Variants in SLC29A3 observed in about 807,000 individuals in gnomAD.
SLC29A3 encodes solute carrier family 29 member 3, also known as equilibrative nucleoside transporter 3.
Under a neutral mutation model 25.4 loss-of-function variants are expected in SLC29A3, and 18 were observed. The observed-to-expected ratio is 0.71, with a 90% CI of 0.49 to 1.05. The LOEUF is 1.05. Ranked by LOEUF, SLC29A3 falls within the 50% of genes least tolerant of loss-of-function variation. The probability of loss-of-function intolerance (pLI) is 0.00; values close to 1 mark genes in which losing one functional copy is unlikely to be tolerated. For missense variants in SLC29A3, 586 were observed against 609.0 expected, an observed-to-expected ratio of 0.96 and a Z score of 0.40; for synonymous variants, 258 against 267.1, an observed-to-expected ratio of 0.97 and a Z score of 0.33.
At chr10:71,328,149 G>A (rs1846016013) in intron 2 of SLC29A3, among the ~76,000 whole-genome samples, 1 of 152,198 alleles carries the variant, frequency 6.6e-6, no homozygotes, top group African/African-American at 2.4e-5. Flanking sequence ...ACTGCAGGAT[G>A]CGGCCAGGTC....
chr10:71,369,097 C>T (rs77497424), intron 3 of SLC29A3, among the ~76,000 whole-genome samples: 3,739 of 152,272 alleles, frequency 0.025, 81 homozygotes, highest in African/African-American at 0.05. Flanking sequence ...AACAGAGCTC[C>T]CTCACCCCTG....
chr10:71,359,844 A>C (rs530475371), intron 5 of SLC29A3, among the ~76,000 whole-genome samples: 1 of 152,344 alleles, frequency 6.6e-6, no homozygotes, highest in South Asian at 2.1e-4. Flanking sequence ...TTTGAGCTGC[A>C]TTAATACAGT....
At chr10:71,341,186 A>G (rs75395956) in intron 2 of SLC29A3, among the ~76,000 whole-genome samples, 13,349 of 152,088 alleles carry the variant, frequency 0.088, 792 homozygotes, top group East Asian at 0.25. Flanking sequence ...GGTGCAGCCT[A>G]GCAGGGCGTG....
At chr10:71,328,318 C>T (rs766954753) in intron 2 of SLC29A3, among the ~76,000 whole-genome samples, 4 of 152,194 alleles carry the variant, frequency 2.6e-5, no homozygotes, top group South Asian at 2.1e-4. Flanking sequence ...TCCCTGGGCA[C>T]GTCCCCTGAA....
At chr10:71,330,639 C>T (rs148148462) in intron 2 of SLC29A3, among the ~76,000 whole-genome samples, 45 of 152,312 alleles carry the variant, frequency 3.0e-4, no homozygotes, top group Non-Finnish European at 4.7e-4. Context: ...ATTTACATAA[C>T]GCTGCAGACA....
chr10:71,366,692 G>T (rs1300454455), downstream of SLC29A3, among the ~76,000 whole-genome samples: 1 of 152,218 alleles, frequency 6.6e-6, no homozygotes, highest in Non-Finnish European at 1.5e-5. Context: ...TCAGCTCGGA[G>T]GTGATGTGGG....
At chr10:71,349,201 C>T (rs932953731) in intron 3 of SLC29A3, among the ~76,000 whole-genome samples, 17 of 152,122 alleles carry the variant, frequency 1.1e-4, no homozygotes, top group Middle Eastern at 3.2e-3. Flanking sequence ...TACCTCTTTG[C>T]GTTAGTGGGT....
chr10:71,375,500 A>G (rs1817162745), intron 3 of SLC29A3, among the ~76,000 whole-genome samples: 1 of 152,234 alleles, frequency 6.6e-6, no homozygotes, highest in Non-Finnish European at 1.5e-5. Context: ...ATTGAAAACA[A>G]TATTTTAATT....
At chr10:71,323,340 A>G (rs945386545) in intron 2 of SLC29A3, among the ~76,000 whole-genome samples, 1 of 152,222 alleles carries the variant, frequency 6.6e-6, no homozygotes, top group Admixed American at 6.5e-5. Context: ...ATGGAAGGTC[A>G]TTTTTCTCCC....
chr10:71,349,361 C>T (rs546661520), intron 3 of SLC29A3, among the ~76,000 whole-genome samples: 5 of 152,272 alleles, frequency 3.3e-5, no homozygotes, highest in South Asian at 4.1e-4. Flanking sequence ...TGTCTAGCCT[C>T]GCCCTACGCA....
chr10:71,337,476 G>A (rs990205020), intron 2 of SLC29A3, among the ~76,000 whole-genome samples: 2 of 152,208 alleles, frequency 1.3e-5, no homozygotes, highest in Non-Finnish European at 2.9e-5. Flanking sequence ...TCCAGGTAAC[G>A]CTCTGCTGCC....
chr10:71,354,173 C>T (rs933544832), intron 4 of SLC29A3, among the ~76,000 whole-genome samples: 3 of 152,216 alleles, frequency 2.0e-5, no homozygotes, highest in Non-Finnish European at 4.4e-5. Context: ...TGGCACTTCT[C>T]CGCACCAGGC....
At chr10:71,322,161 C>T (rs565965403) in intron 1 of SLC29A3, among the ~76,000 whole-genome samples, 16 of 152,188 alleles carry the variant, frequency 1.1e-4, no homozygotes, top group African/African-American at 3.6e-4. Flanking sequence ...AGTTTCCCTC[C>T]TTAGAGACAG....
At chr10:71,354,405 C>G (rs1420126021) in intron 4 of SLC29A3, among the ~76,000 whole-genome samples, 1 of 152,156 alleles carries the variant, frequency 6.6e-6, no homozygotes, top group Admixed American at 6.5e-5. Flanking sequence ...AATTTTTATA[C>G]CTTTGCCCTC....
chr10:71,341,608 T>C (rs958277548), intron 2 of SLC29A3, among the ~76,000 whole-genome samples: 2 of 152,204 alleles, frequency 1.3e-5, no homozygotes, highest in African/African-American at 4.8e-5. Context: ...GGAACCCAGC[T>C]ATCGGAAACC....
rs867492510 is a variant in SLC29A3, at chr10:71,353,876, G to A, written c.610+2088G>A. ...GGAGAGTCATGAAGGATGAGCTCCC[G>A]GAGGCCTGGTTTGTTGTTGATGATA... On this transcript the variant is annotated intron_variant, in intron 4 of 5. Coordinates refer to ENST00000373189, the MANE Select transcript of SLC29A3 (RefSeq NM_018344.6). Among the ~76,000 whole-genome samples, 8 of 152,268 alleles carry A rather than the reference G, an allele frequency of 5.3e-5. 1 individual carries two copies. In the South Asian group the frequency reaches 8.3e-4, roughly 16 times the overall value.
intron 3 of SLC29A3, among the ~76,000 whole-genome samples, chr10:71,345,003 T>C (rs1228431665): frequency 6.6e-6 from 1 of 152,242 alleles, no homozygotes; most frequent in African/African-American, 2.4e-5. Flanking sequence ...TGCCCAGTTC[T>C]AATCAATTTG....
chr10:71,360,134 C>CTT (rs10532475), intron 5 of SLC29A3, among the ~76,000 whole-genome samples: 23 of 71,486 alleles, frequency 3.2e-4, no homozygotes, highest in African/African-American at 6.2e-4. Context: ...TCTTCTTCTT[C>CTT]TTTTTTTTTT....
intron 3 of SLC29A3, among the ~76,000 whole-genome samples, chr10:71,370,514 G>GTTTA (rs1157455918): frequency 2.0e-5 from 3 of 152,066 alleles, no homozygotes; most frequent in Non-Finnish European, 4.4e-5. Flanking sequence ...CTTCTTATTT[G>GTTTA]TTTATTTATT....
Sources: gnomAD v4.1 joint callset for allele counts (sites outside exome capture counted in the v4.1 genomes callset) on GRCh38, gnomAD v4.1.1 for gene constraint, MANE v1.5 for transcripts, NCBI Gene and HGNC (gene_info 2026-07-23, HGNC 2026-07-21) for gene names.